The following CEP112 variants were observed in gnomAD, a reference collection of about 807,000 sequenced individuals.
CEP112 encodes the protein centrosomal protein of 112 kDa.
A neutral mutation model predicts 153.0 loss-of-function variants in CEP112; 127 were observed. The ratio of observed to expected loss-of-function variants is 0.83; its 90% CI spans 0.72 to 0.96. The LOEUF is 0.96. Ranked by LOEUF, CEP112 falls within the 40% of genes least tolerant of loss-of-function variation. The probability of loss-of-function intolerance (pLI) is 0.00; values close to 1 mark genes in which losing one functional copy is unlikely to be tolerated. For missense variants in CEP112, 1,089 were observed against 1,101.2 expected, an observed-to-expected ratio of 0.99 and a Z score of 0.16; for synonymous variants, 358 against 374.4, an observed-to-expected ratio of 0.96 and a Z score of 0.51.
rs555839162 is a variant in CEP112, at chr17:65,853,972, T to A, written c.2164-1938A>T. Among the ~76,000 whole-genome samples, 17 of 152,344 alleles carry A rather than the reference T, an allele frequency of 1.1e-4. No individual in the cohort carries two copies. In the East Asian group the frequency reaches 2.9e-3, roughly 26 times the overall value. ...TGATTGCTAAGAAATGTCTATGCTG[T>A]ATTTTCTACAGTTTTCAGTGCTATA... is the stretch of plus-strand genomic sequence containing the variant. On this transcript the variant is annotated intron_variant, in intron 20 of 26. Coordinates refer to ENST00000535342, the MANE Select transcript of CEP112 (RefSeq NM_001199165.4).
chr17:65,664,259 C>A (rs1177893442), intron 24 of CEP112, among the ~76,000 whole-genome samples: 1 of 152,120 alleles, frequency 6.6e-6, no homozygotes, highest in African/African-American at 2.4e-5. Flanking sequence ...GAAGGAAAAA[C>A]CATGAGCCAA....
chr17:66,159,832 T>C (rs1434238738), intron 4 of CEP112, among the ~76,000 whole-genome samples: 1 of 152,088 alleles, frequency 6.6e-6, no homozygotes, highest in Non-Finnish European at 1.5e-5. Flanking sequence ...TTCAACATAG[T>C]ATTGTAAGTT....
Position 66,180,526 on chromosome 17 carries a change from G to A in CEP112, c.106+2668C>T, listed in dbSNP as rs549811558. ...ATTAAATCTTGAATGTTTTATTTATGAAATCCAATAATACCCAGGGATTTG... is the reference window on the plus strand; with the variant it reads ...ATTAAATCTTGAATGTTTTATTTATAAAATCCAATAATACCCAGGGATTTG... On this transcript the variant is annotated intron_variant, in intron 2 of 26. Transcript: ENST00000535342. Among the ~76,000 whole-genome samples, 3 of 152,116 alleles carry A rather than the reference G, an allele frequency of 2.0e-5. No homozygotes were observed. The South Asian group carries it at 6.2e-4, about 32-fold the overall frequency.
chr17:65,806,599 C>A lies in CEP112; in HGVS notation c.2394+45205G>T, dbSNP rs545520933. Among the ~76,000 whole-genome samples the A allele has an allele frequency of 3.3e-5, 5 of 152,224 alleles. No homozygotes were observed. In the East Asian group the frequency reaches 7.7e-4, roughly 24 times the overall value. On this transcript the variant is annotated intron_variant, in intron 21 of 26. Transcript: ENST00000535342. ...GTGACTGAATCATGGGGGTGGAATTCCCCTTGCTGTTCTTGTGATAGTGAG... is the reference window on the plus strand; with the variant it reads ...GTGACTGAATCATGGGGGTGGAATTACCCTTGCTGTTCTTGTGATAGTGAG...
At chr17:65,653,929 C>T (rs1436364457) in intron 24 of CEP112, among the ~76,000 whole-genome samples, 12 of 151,244 alleles carry the variant, frequency 7.9e-5, no homozygotes, top group East Asian at 3.9e-4. Context: ...CGTGGTGGTG[C>T]GCACCTGTAG....
At chr17:65,637,584 A>T (rs2044843290) in intron 25 of CEP112, among the ~76,000 whole-genome samples, 3 of 152,164 alleles carry the variant, frequency 2.0e-5, no homozygotes, top group Non-Finnish European at 4.4e-5. Flanking sequence ...CATTTGGTTT[A>T]AATGTCACCT....
intron 23 of CEP112, among the ~76,000 whole-genome samples, chr17:65,696,869 C>T (rs1337834841): frequency 1.3e-5 from 2 of 152,066 alleles, no homozygotes; most frequent in African/African-American, 2.4e-5. Context: ...CTTTCCTTCA[C>T]GAGGCTTGAA....
At chr17:65,879,736 G>A (rs1456816989) in intron 20 of CEP112, among the ~76,000 whole-genome samples, 1 of 146,088 alleles carries the variant, frequency 6.8e-6, no homozygotes, top group Non-Finnish European at 1.5e-5. Flanking sequence ...CTCTGAAAAA[G>A]AAATAGGAAA....
intron 24 of CEP112, among the ~76,000 whole-genome samples, chr17:65,667,002 G>A (rs1239854092): frequency 6.6e-6 from 1 of 152,120 alleles, no homozygotes; most frequent in Non-Finnish European, 1.5e-5. Flanking sequence ...CTAAGTCAGA[G>A]GAGTATTTGA....
chr17:66,020,540 T>A (rs991300481), intron 16 of CEP112, among the ~76,000 whole-genome samples: 1 of 152,222 alleles, frequency 6.6e-6, no homozygotes, highest in Non-Finnish European at 1.5e-5. Flanking sequence ...ACTATATGGA[T>A]AAACAAGATG....
intron 24 of CEP112, among the ~76,000 whole-genome samples, chr17:65,676,896 T>C (rs896221905): frequency 1.3e-5 from 2 of 152,066 alleles, no homozygotes; most frequent in African/African-American, 4.8e-5. Flanking sequence ...AGTAGAAAAA[T>C]AAGATAAATT....
intron 13 of CEP112, among the ~76,000 whole-genome samples, chr17:66,029,558 G>C (rs765837693): frequency 6.6e-6 from 1 of 151,856 alleles, no homozygotes; most frequent in Admixed American, 6.6e-5. Flanking sequence ...AGAAAAATTA[G>C]CCAGGCATGG....
chr17:66,105,347 G>A (rs2068739018), intron 6 of CEP112, among the ~76,000 whole-genome samples: 1 of 151,930 alleles, frequency 6.6e-6, no homozygotes, highest in Admixed American at 6.6e-5. Context: ...TTCACTAAAA[G>A]GAAGACAGGA....
chr17:66,132,671 C>G lies in CEP112; in HGVS notation c.563G>C (p.Cys188Ser), dbSNP rs1215232603. The G allele has an allele frequency of 7.5e-6, 12 of 1,607,128 alleles. No homozygotes were observed. The highest frequency in any genetic ancestry group is 1.0e-5 in the Non-Finnish European group (12 of 1,173,850). Residue 188 changes from cysteine (C) to serine (S), a missense_variant and splice_region_variant, in exon 5 of 27, where the codon TGT becomes TCT. Physicochemically the swap from Cys to Ser is moderately radical, Grantham distance 112. Coordinates refer to ENST00000535342, the MANE Select transcript of CEP112 (RefSeq NM_001199165.4). Reference sequence around the variant, plus strand: ...AACAAAAGTAAAATCTAATCTTACACAAATCTTTGGGGTAATATTTTGTCC... The same window carrying G: ...AACAAAAGTAAAATCTAATCTTACAGAAATCTTTGGGGTAATATTTTGTCC... Reference protein sequence around the residue: ...EDGQNITPKICEVYSKKSPVS... With the variant: ...EDGQNITPKISEVYSKKSPVS...
intron 19 of CEP112, among the ~76,000 whole-genome samples, chr17:65,920,214 G>A (rs772020718): frequency 1.9e-4 from 28 of 150,078 alleles, no homozygotes; most frequent in African/African-American, 4.7e-4. Context: ...GAGTGGTGGC[G>A]TACCACGTGT....
At chr17:66,116,993 A>C (rs2146420954) in intron 6 of CEP112, among the ~76,000 whole-genome samples, 1 of 151,324 alleles carries the variant, frequency 6.6e-6, no homozygotes, top group East Asian at 2.0e-4. Context: ...CAGCCTCCTG[A>C]GTAACTGGAA....
chr17:65,882,116 C>T (rs79999703), intron 20 of CEP112, among the ~76,000 whole-genome samples: 2,535 of 152,284 alleles, frequency 0.017, 80 homozygotes, highest in African/African-American at 0.057. Context: ...CTCGTTTTGA[C>T]TGAAACTAAA....
intron 23 of CEP112, among the ~76,000 whole-genome samples, chr17:65,738,222 C>G (rs759670938): frequency 6.6e-6 from 1 of 152,144 alleles, no homozygotes; most frequent in Non-Finnish European, 1.5e-5. Context: ...TGAAATATAG[C>G]ATGAGAATTA....
chr17:66,005,818 A>C, intron 16 of CEP112, 49 bp from the exon 17 acceptor site: 1 of 1,497,716 alleles, frequency 6.7e-7, no homozygotes, highest in Non-Finnish European at 9.1e-7. Context: ...AGTAAAGTTT[A>C]CTTCAAAGAG....
Sources: gnomAD v4.1 joint callset for allele counts (sites outside exome capture counted in the v4.1 genomes callset) on GRCh38, gnomAD v4.1.1 for gene constraint, MANE v1.5 for transcripts, NCBI Gene and HGNC (gene_info 2026-07-23, HGNC 2026-07-21) for gene names.